Variants in MAP2 observed in about 807,000 individuals in gnomAD.
MAP2 encodes the protein microtubule associated protein 2, also known as microtubule-associated protein 2.
A neutral mutation model predicts 137.6 loss-of-function variants in MAP2; 14 were observed. That is an observed-to-expected ratio of 0.10 (90% CI 0.07 to 0.16). The LOEUF is 0.16. Ranked by LOEUF, MAP2 falls within the 10% of genes least tolerant of loss-of-function variation. The pLI is 1.00. For synonymous variants in MAP2, 786 were observed against 782.3 expected, an observed-to-expected ratio of 1.00 and a Z score of -0.08; for missense variants, 2,088 against 2,191.5, an observed-to-expected ratio of 0.95 and a Z score of 0.94.
At chr2:209,443,640 G>A (rs1698363261) in intron 1 of MAP2, among the ~76,000 whole-genome samples, 1 of 151,540 alleles carries the variant, frequency 6.6e-6, no homozygotes, top group South Asian at 2.1e-4. Flanking sequence ...CTCAACCTCA[G>A]TTTCTTCACT....
intron 14 of MAP2, among the ~76,000 whole-genome samples, chr2:209,729,308 A>G (rs915883347): frequency 6.6e-6 from 1 of 152,204 alleles, no homozygotes; most frequent in Non-Finnish European, 1.5e-5. Flanking sequence ...GTCATAAACA[A>G]CTTACCTCCC....
intron 4 of MAP2, among the ~76,000 whole-genome samples, chr2:209,631,224 C>T (rs1036830879): frequency 6.6e-6 from 1 of 151,876 alleles, no homozygotes; most frequent in Non-Finnish European, 1.5e-5. Context: ...CCCTTTGATG[C>T]AATATGAAAA....
intron 2 of MAP2, among the ~76,000 whole-genome samples, chr2:209,541,783 A>C (rs926808615): frequency 6.6e-6 from 1 of 152,214 alleles, no homozygotes; most frequent in African/African-American, 2.4e-5. Flanking sequence ...TTCAGGCTTC[A>C]CTTTTAATGC....
At chr2:209,562,867 A>ATTTTT (rs1045683921) in intron 2 of MAP2, among the ~76,000 whole-genome samples, 5 of 152,270 alleles carry the variant, frequency 3.3e-5, no homozygotes, top group Non-Finnish European at 7.4e-5. Context: ...GTTTTTAAAA[A>ATTTTT]TTGGGGGTCA....
At chr2:209,508,591 C>T (rs2061362764) in intron 2 of MAP2, among the ~76,000 whole-genome samples, 1 of 90,030 alleles carries the variant, frequency 1.1e-5, no homozygotes, top group Admixed American at 1.1e-4. Context: ...GTCCCACACA[C>T]ACACACACAC....
chr2:209,481,404 ACAGT>A (rs903787960), intron 1 of MAP2, among the ~76,000 whole-genome samples: 3 of 152,206 alleles, frequency 2.0e-5, no homozygotes, highest in African/African-American at 4.8e-5. Flanking sequence ...TTCTCTACTG[ACAGT>A]AACTTCCTGT....
rs1559156858 is a variant in MAP2 at position 209,434,839 on chromosome 2, ATATATATATGT to A, written c.-222+10573_-222+10583del. On this transcript the variant is annotated intron_variant, in intron 1 of 15. Coordinates refer to ENST00000682079, the MANE Select transcript of MAP2 (RefSeq NM_001375505.1). ...CCTCTCTCTCTCTCTCTCTCTATAT[ATATATATATGT>A]TATATATATATGTTATATATATGTT... 5.0e-3 allele frequency among the ~76,000 whole-genome samples: 570 copies of A among 114,774 alleles called. 21 individuals carry two copies. The highest frequency in any genetic ancestry group is 0.018 in the African/African-American group (519 of 28,478). 75.3% of individuals were successfully genotyped at this position (114,774 alleles called of 152,430 possible). A position where few individuals can be genotyped will look rare whatever the true frequency, so the allele number is the denominator to read the frequency against.
intron 2 of MAP2, among the ~76,000 whole-genome samples, chr2:209,566,469 C>T (rs1340357796): frequency 6.6e-6 from 1 of 152,214 alleles, no homozygotes; most frequent in Non-Finnish European, 1.5e-5. Flanking sequence ...CTTCACCTGT[C>T]AGACTGGCTC....
At chr2:209,728,154 A>G (rs1285875999) in intron 14 of MAP2, among the ~76,000 whole-genome samples, 1 of 152,200 alleles carries the variant, frequency 6.6e-6, no homozygotes, top group African/African-American at 2.4e-5. Context: ...AGGACATTTT[A>G]GCAAAAATTT....
At chr2:209,489,612 C>T (rs540689892) in intron 1 of MAP2, among the ~76,000 whole-genome samples, 1 of 152,196 alleles carries the variant, frequency 6.6e-6, no homozygotes, top group African/African-American at 2.4e-5. Flanking sequence ...CCTGATGGAG[C>T]TGAAAAACAC....
chr2:209,481,673 T>A (rs1708817752), intron 1 of MAP2, among the ~76,000 whole-genome samples: 1 of 152,204 alleles, frequency 6.6e-6, no homozygotes, highest in African/African-American at 2.4e-5. Flanking sequence ...AGGGAAATGC[T>A]GAACTGAGAT....
chr2:209,704,745 CAGT>C, intron 11 of MAP2: 17 of 776,344 alleles, frequency 2.2e-5, no homozygotes, highest in Non-Finnish European at 3.2e-5. Context: ...GACACATAAA[CAGT>C]AGGCCCTTTT....
intron 11 of MAP2, chr2:209,704,171 G>A (rs2062641165): frequency 2.5e-6 from 1 of 398,566 alleles, no homozygotes; most frequent in South Asian, 2.1e-5. Context: ...ATGTCCGTGT[G>A]TACCCATTGT....
chr2:209,682,682 A>G (rs1437323803), intron 7 of MAP2, among the ~76,000 whole-genome samples: 1 of 152,030 alleles, frequency 6.6e-6, no homozygotes, highest in African/African-American at 2.4e-5. Context: ...ATGAGGAGGA[A>G]GTGTTGGCCA....
At chr2:209,470,060 G>A (rs1202678499) in intron 1 of MAP2, among the ~76,000 whole-genome samples, 1 of 152,104 alleles carries the variant, frequency 6.6e-6, no homozygotes, top group Non-Finnish European at 1.5e-5. Flanking sequence ...GTTTTATTAT[G>A]GTTTGCTGCA....
At chr2:209,449,590 A>G (rs1439012077) in intron 1 of MAP2, among the ~76,000 whole-genome samples, 1 of 152,202 alleles carries the variant, frequency 6.6e-6, no homozygotes, top group Non-Finnish European at 1.5e-5. Flanking sequence ...GAAATTAAAA[A>G]GAGCAAATTA....
At position 209,596,880 on chromosome 2, in the gene MAP2, G is replaced by T. The variant is rs911515632; in HGVS notation, c.-107+16780G>T. 3.9e-5 allele frequency among the ~76,000 whole-genome samples: 6 copies of T among 152,230 alleles called. No homozygotes were observed. In the East Asian group the frequency reaches 9.7e-4, roughly 25 times the overall value. On this transcript the variant is annotated intron_variant, in intron 3 of 15. Transcript: ENST00000682079. The stretch of plus-strand genomic sequence containing the variant: ...TAAAGCCAATAATTAATGTAGTATA[G>T]ATTACTTTTGCCCCCAGTACCTATT...
chr2:209,484,116 C>A (rs928869578), intron 1 of MAP2, among the ~76,000 whole-genome samples: 5 of 152,054 alleles, frequency 3.3e-5, no homozygotes, highest in African/African-American at 1.2e-4. Context: ...TCCTCTATTT[C>A]TTCTAAGAAC....
At chr2:209,618,698 A>G (rs1399842722) in intron 3 of MAP2, among the ~76,000 whole-genome samples, 1 of 152,206 alleles carries the variant, frequency 6.6e-6, no homozygotes, top group Non-Finnish European at 1.5e-5. Context: ...ATAAATTAGT[A>G]CAGCCATTAT....
Sources: gnomAD v4.1 joint callset for allele counts (sites outside exome capture counted in the v4.1 genomes callset) on GRCh38, gnomAD v4.1.1 for gene constraint, MANE v1.5 for transcripts, NCBI Gene and HGNC (gene_info 2026-07-23, HGNC 2026-07-21) for gene names.